Variants in PI4K2B observed in about 807,000 individuals in gnomAD.
PI4K2B encodes phosphatidylinositol 4-kinase type 2 beta, also known as phosphatidylinositol 4-kinase type 2-beta.
A neutral mutation model predicts 56.6 loss-of-function variants in PI4K2B; 46 were observed. That is an observed-to-expected ratio of 0.81 (90% CI 0.64 to 1.04). The LOEUF is 1.04. PI4K2B is among the 50% of genes least tolerant of loss of function. The pLI, the probability that PI4K2B is intolerant of heterozygous loss-of-function variation, is 0.00. For synonymous variants in PI4K2B, 211 were observed against 223.8 expected, an observed-to-expected ratio of 0.94 and a Z score of 0.51; for missense variants, 556 against 607.7, an observed-to-expected ratio of 0.91 and a Z score of 0.89.
intron 6 of PI4K2B, among the ~76,000 whole-genome samples, chr4:25,261,175 T>C (rs1716462793): frequency 1.3e-5 from 2 of 152,232 alleles, no homozygotes; most frequent in South Asian, 4.1e-4. Context: ...TTCACCATGT[T>C]TGTATTTTAC....
At chr4:25,258,966 G>A (rs1002437584) in intron 4 of PI4K2B, 71 bp from the exon 5 acceptor site, 6 of 760,934 alleles carry the variant, frequency 7.9e-6, no homozygotes, top group African/African-American at 1.7e-5. Flanking sequence ...TGACAGTACT[G>A]CTGAGAAATA....
intron 1 of PI4K2B, 39 bp from the exon 2 acceptor site, chr4:25,252,282 C>G: frequency 6.6e-7 from 1 of 1,514,428 alleles, no homozygotes; most frequent in Non-Finnish European, 9.1e-7. Context: ...AGGTCCATAT[C>G]ATGAGCATTC....
At chr4:25,239,573 G>A (rs916489270) in intron 1 of PI4K2B, among the ~76,000 whole-genome samples, 1 of 152,004 alleles carries the variant, frequency 6.6e-6, no homozygotes, top group African/African-American at 2.4e-5. Context: ...GCGCTGGCCC[G>A]CAAGTGCCAC....
chr4:25,256,674 G>T lies in PI4K2B; in HGVS notation c.756G>T (p.Lys252Asn). 6.2e-7 allele frequency: 1 copy of T among 1,612,788 alleles called. No individual in the cohort carries two copies. Among genetic ancestry groups the T allele is most frequent in the Non-Finnish European group, 8.5e-7 (1 of 1,179,438 alleles). Reference sequence around the variant, plus strand: ...TTCATAGGATAGGACTCCCTCCTAAGGTAAGTTTCTCTGATAAGCTGTATT... The same window carrying T: ...TTCATAGGATAGGACTCCCTCCTAATGTAAGTTTCTCTGATAAGCTGTATT... ...RKFHRIGLPP[K>N]IGSFQLFVEG... Residue 252 changes from lysine (K) to asparagine (N), a missense_variant and splice_region_variant, in exon 4 of 10, where the codon AAG becomes AAT. Coordinates refer to ENST00000264864, the MANE Select transcript of PI4K2B (RefSeq NM_018323.4).
At chr4:25,234,485 C>T (rs1417884463) in intron 1 of PI4K2B, 54 bp downstream of exon 1, 2 of 1,194,184 alleles carry the variant, frequency 1.7e-6, no homozygotes, top group Middle Eastern at 3.2e-4. Flanking sequence ...CTGCCCCTGT[C>T]GCCCGGCTCG....
intron 1 of PI4K2B, among the ~76,000 whole-genome samples, chr4:25,247,245 G>C (rs1043018946): frequency 1.3e-5 from 2 of 152,204 alleles, no homozygotes; most frequent in Non-Finnish European, 2.9e-5. Flanking sequence ...TAGCAGAGTA[G>C]ATGTTCCATG....
chr4:25,234,146 A>G lies in PI4K2B; in HGVS notation c.-18A>G. ...CTGCTCTGATCTGGTCTCAGCGCGG[A>G]GGGAGCAGAGGGAGTCCATGGAGGA... On this transcript the variant is annotated 5_prime_UTR_variant, in exon 1 of 10. Transcript: ENST00000264864. The G allele has an allele frequency of 9.8e-6, 13 of 1,320,674 alleles. No homozygotes were observed. The highest frequency in any genetic ancestry group is 1.1e-5 in the Non-Finnish European group (11 of 1,031,664). The allele number at this position is 1,320,674 out of a possible 1,614,324, so 81.8% of individuals were successfully genotyped here.
chr4:25,260,611 T>C lies in PI4K2B; in HGVS notation c.978+20T>C, dbSNP rs1553890234. ...CATAAGGTAAGGAAATTTACAATTT[T>C]ATATATATATATATATATATATATA... On this transcript the variant is annotated intron_variant, in intron 6 of 9. Coordinates refer to ENST00000264864, the MANE Select transcript of PI4K2B (RefSeq NM_018323.4). 3 of 215,640 alleles carry C rather than the reference T, an allele frequency of 1.4e-5. No homozygotes were observed. The highest frequency in any genetic ancestry group is 2.4e-5 in the Non-Finnish European group (3 of 124,026). 13.4% of individuals were successfully genotyped at this position (215,640 alleles called of 1,614,324 possible).
At chr4:25,246,726 G>A (rs1313674055) in intron 1 of PI4K2B, among the ~76,000 whole-genome samples, 1 of 152,252 alleles carries the variant, frequency 6.6e-6, no homozygotes. Context: ...GGCGGCGGGG[G>A]GAGGCTCAGG....
intron 2 of PI4K2B, among the ~76,000 whole-genome samples, chr4:25,252,717 A>G (rs566258272): frequency 6.6e-6 from 1 of 152,152 alleles, no homozygotes; most frequent in East Asian, 1.9e-4. Flanking sequence ...GGCTCAGGCA[A>G]TCCTCCCATC....
intron 1 of PI4K2B, among the ~76,000 whole-genome samples, chr4:25,235,322 A>G (rs3822219): frequency 0.042 from 6,411 of 152,300 alleles, 187 homozygotes; most frequent in East Asian, 0.15. Context: ...ATCGCTTCAC[A>G]CATGACAACT....
At chr4:25,244,818 G>T (rs1045270090) in intron 1 of PI4K2B, among the ~76,000 whole-genome samples, 1 of 152,042 alleles carries the variant, frequency 6.6e-6, no homozygotes, top group Admixed American at 6.6e-5. Flanking sequence ...AACCCGCAAC[G>T]GTCCCTGGAC....
rs558942043 is a variant in PI4K2B at position 25,278,621 on chromosome 4, T to G, written c.*1434T>G. 1 of 152,738 alleles carries G rather than the reference T, an allele frequency of 6.5e-6. No individual in the cohort carries two copies. Among genetic ancestry groups the G allele is most frequent in the East Asian group, 1.9e-4 (1 of 5,190 alleles). 9.5% of individuals were successfully genotyped at this position (152,738 alleles called of 1,614,324 possible). A position where few individuals can be genotyped will look rare whatever the true frequency, so the allele number is the denominator to read the frequency against. On this transcript the variant is annotated 3_prime_UTR_variant, in exon 10 of 10. Transcript: ENST00000264864. ...TGGAAACCTGCGTTCTCCTACCTCT[T>G]CCAACCCTCCATTAGCTCAATTTTG...
rs1716365099 is a variant in PI4K2B, at chr4:25,259,207, ATTTG to A, written c.910+20_910+23del. On this transcript the variant is annotated intron_variant, in intron 5 of 9. Coordinates refer to ENST00000264864, the MANE Select transcript of PI4K2B (RefSeq NM_018323.4). ...GAAATACAGGTATTGAAGTTCTCTC[ATTTG>A]TTCACGTAAATCTTGTTCATTTTCA... The A allele has an allele frequency of 6.9e-7, 1 of 1,458,662 alleles. No individual in the cohort carries two copies. 90.4% of individuals were successfully genotyped at this position (1,458,662 alleles called of 1,614,324 possible). A position where few individuals can be genotyped will look rare whatever the true frequency, so the allele number is the denominator to read the frequency against.
At chr4:25,269,708 GT>G (rs558664815) in intron 9 of PI4K2B, among the ~76,000 whole-genome samples, 3 of 151,056 alleles carry the variant, frequency 2.0e-5, no homozygotes, top group Non-Finnish European at 4.4e-5. Flanking sequence ...AATTAGGTGG[GT>G]TTTTTTTGTT....
intron 9 of PI4K2B, among the ~76,000 whole-genome samples, chr4:25,271,961 G>A (rs1212006638): frequency 6.6e-6 from 1 of 152,086 alleles, no homozygotes; most frequent in African/African-American, 2.4e-5. Flanking sequence ...TGGGCAAATG[G>A]CGAAACCCCA....
In PI4K2B at chr4:25,256,648, T is replaced by A. The variant is rs568370797; in HGVS notation, c.730T>A (p.Phe244Ile). The change falls in exon 4 of 10, where the codon TTT (phenylalanine) becomes ATT (isoleucine). Residue 244 changes from phenylalanine (F) to isoleucine (I), a missense_variant. Coordinates refer to ENST00000264864, the MANE Select transcript of PI4K2B (RefSeq NM_018323.4). Reference protein sequence around the residue: ...LEKVPKVGRKFHRIGLPPKIG... With the variant: ...LEKVPKVGRKIHRIGLPPKIG... ...AAAAGTGCCAAAAGTGGGTAGAAAG[T>A]TTCATAGGATAGGACTCCCTCCTAA... 5 of 1,613,806 alleles carry A rather than the reference T, an allele frequency of 3.1e-6. No individual in the cohort carries two copies. In the East Asian group the frequency reaches 1.1e-4, roughly 36 times the overall value.
At chr4:25,236,895 TTGAG>T (rs983392231) in intron 1 of PI4K2B, among the ~76,000 whole-genome samples, 4 of 152,272 alleles carry the variant, frequency 2.6e-5, no homozygotes, top group African/African-American at 7.2e-5. Context: ...ATGTTCATGA[TTGAG>T]TAATTTAATA....
chr4:25,268,062 G>A (rs527354766), intron 7 of PI4K2B, among the ~76,000 whole-genome samples: 2 of 152,126 alleles, frequency 1.3e-5, no homozygotes, highest in Non-Finnish European at 1.5e-5. Flanking sequence ...CTCCAGCCTG[G>A]GTGACACAGT....
Sources: allele counts gnomAD v4.1 joint callset (sites outside exome capture counted in the v4.1 genomes callset), GRCh38; gene constraint gnomAD v4.1.1; transcripts MANE v1.5; gene names NCBI Gene and HGNC (gene_info 2026-07-23, HGNC 2026-07-21).